PAX5: variants seen among roughly 807,000 people sequenced by gnomAD.
PAX5 encodes paired box protein Pax-5.
A neutral mutation model predicts 43.7 loss-of-function variants in PAX5; 9 were observed. That is an observed-to-expected ratio of 0.21 (90% CI 0.12 to 0.36). The LOEUF is 0.36. PAX5 is among the 10% of genes least tolerant of loss of function. The pLI is 1.00. For synonymous variants in PAX5, 228 were observed against 214.3 expected (o/e 1.06, Z -0.56); for missense variants, 383 against 532.7 (o/e 0.72, Z 2.77).
chr9:37,009,067 A>G (rs184025979), intron 3 of PAX5, among the ~76,000 whole-genome samples: 1 of 152,272 alleles, frequency 6.6e-6, no homozygotes, highest in Non-Finnish European at 1.5e-5. Context: ...AGTTCAGCTT[A>G]AAATCCTTAC....
At position 36,835,794 on chromosome 9, in the gene PAX5, C is replaced by T. The variant is rs558289197; in HGVS notation, c.*4766G>A. 9 of 233,312 alleles carry T rather than the reference C, an allele frequency of 3.9e-5. No individual in the cohort carries two copies. In the Admixed American group the frequency reaches 3.9e-4, roughly 10 times the overall value. The allele number at this position is 233,312 out of a possible 1,614,324, so 14.5% of individuals were successfully genotyped here. A position where few individuals can be genotyped will look rare whatever the true frequency, so the allele number is the denominator to read the frequency against. On this transcript the variant is annotated 3_prime_UTR_variant, in exon 10 of 10. Transcript: ENST00000358127. ...AAGGCCAAGACTGCAGAACTGGCCT[C>T]GTAGTGGGGCCACCGTGGAGCCGGT...
chr9:36,845,589 A>T (rs1190466681), intron 9 of PAX5, among the ~76,000 whole-genome samples: 1 of 152,168 alleles, frequency 6.6e-6, no homozygotes, highest in East Asian at 1.9e-4. Flanking sequence ...ACTAATGGGA[A>T]TTGTTTCTTA....
intron 5 of PAX5, among the ~76,000 whole-genome samples, chr9:36,970,233 G>T (rs1276661226): frequency 1.3e-5 from 2 of 152,178 alleles, no homozygotes; most frequent in Admixed American, 1.3e-4. Flanking sequence ...GGAGGAATCA[G>T]GGAAGTCTCC....
chr9:36,990,834 G>A (rs1189123695), intron 5 of PAX5, among the ~76,000 whole-genome samples: 2 of 152,240 alleles, frequency 1.3e-5, no homozygotes, highest in Non-Finnish European at 2.9e-5. Flanking sequence ...AGAAGGCCGG[G>A]CGCAGTGGCT....
At chr9:36,939,808 A>G (rs1372368431) in intron 6 of PAX5, among the ~76,000 whole-genome samples, 1 of 151,390 alleles carries the variant, frequency 6.6e-6, no homozygotes, top group Non-Finnish European at 1.5e-5. Context: ...AGAAAAAGCA[A>G]GAGAAAGAGA....
At chr9:37,017,762 CTG>C (rs1385862084) in intron 2 of PAX5, among the ~76,000 whole-genome samples, 1 of 152,262 alleles carries the variant, frequency 6.6e-6, no homozygotes, top group Non-Finnish European at 1.5e-5. Flanking sequence ...GCAGTGCCAA[CTG>C]TGGAAGACTG....
intron 5 of PAX5, among the ~76,000 whole-genome samples, chr9:36,971,193 C>T (rs1252737345): frequency 6.6e-6 from 1 of 152,182 alleles, no homozygotes; most frequent in Non-Finnish European, 1.5e-5. Flanking sequence ...GAAAAATAAT[C>T]GGACTAGTAA....
chr9:37,011,405 A>C (rs1838919608), intron 3 of PAX5, among the ~76,000 whole-genome samples: 1 of 152,172 alleles, frequency 6.6e-6, no homozygotes, highest in East Asian at 1.9e-4. Context: ...ACATGACCCA[A>C]CCAGTTGGTA....
intron 1 of PAX5, among the ~76,000 whole-genome samples, chr9:37,022,864 TG>T (rs1839972405): frequency 2.0e-5 from 3 of 152,290 alleles, no homozygotes; most frequent in Admixed American, 2.0e-4. Context: ...TGGGGTGACC[TG>T]GGAGCCTGTT....
At chr9:36,933,520 G>A (rs10973130) in intron 6 of PAX5, among the ~76,000 whole-genome samples, 3,103 of 152,282 alleles carry the variant, frequency 0.02, 93 homozygotes, top group African/African-American at 0.071. Context: ...TCAGAGAGGG[G>A]AGCCCTGCTG....
At chr9:37,002,595 GA>G in intron 5 of PAX5, 52 bp downstream of exon 5, 3 of 1,574,668 alleles carry the variant, frequency 1.9e-6, no homozygotes, top group Non-Finnish European at 2.6e-6. Context: ...CCGAGCGCCG[GA>G]AACAGACCCC....
At chr9:36,911,786 T>G (rs1829315787) in intron 7 of PAX5, among the ~76,000 whole-genome samples, 1 of 152,194 alleles carries the variant, frequency 6.6e-6, no homozygotes, top group Non-Finnish European at 1.5e-5. Context: ...GAGGGGATTG[T>G]GACAGAGGAG....
chr9:36,947,488 C>T (rs1425122410), intron 6 of PAX5, among the ~76,000 whole-genome samples: 2 of 152,110 alleles, frequency 1.3e-5, no homozygotes, highest in African/African-American at 4.8e-5. Context: ...CCTTGAACTC[C>T]TGGGCTCAAG....
At chr9:36,943,529 T>TTCACACACAA (rs35815065) in intron 6 of PAX5, among the ~76,000 whole-genome samples, 2 of 145,912 alleles carry the variant, frequency 1.4e-5, no homozygotes, top group Non-Finnish European at 3.0e-5. Context: ...TAGTTCAACA[T>TTCACACACAA]ACACACACAC....
chr9:37,017,126 T>A (rs1287446133), intron 2 of PAX5, among the ~76,000 whole-genome samples: 1 of 152,216 alleles, frequency 6.6e-6, no homozygotes, highest in Non-Finnish European at 1.5e-5. Flanking sequence ...CAGCAATCTC[T>A]GCAGTCTCCA....
intron 5 of PAX5, among the ~76,000 whole-genome samples, chr9:36,992,769 C>T (rs754325419): frequency 6.6e-6 from 1 of 152,206 alleles, no homozygotes. Context: ...TAATTGCTCA[C>T]CTTATCTATA....
At chr9:36,955,142 T>A (rs994149189) in intron 6 of PAX5, among the ~76,000 whole-genome samples, 9 of 152,218 alleles carry the variant, frequency 5.9e-5, no homozygotes, top group Non-Finnish European at 1.2e-4. Context: ...CTTTTTCATC[T>A]CTTTAATCAT....
intron 6 of PAX5, among the ~76,000 whole-genome samples, chr9:36,943,110 C>T (rs1832196411): frequency 6.6e-6 from 1 of 152,210 alleles, no homozygotes. Flanking sequence ...CCATCTCAGT[C>T]CCACCGTCCC....
chr9:36,896,375 T>C (rs1472280609), intron 7 of PAX5, among the ~76,000 whole-genome samples: 4 of 151,520 alleles, frequency 2.6e-5, no homozygotes, highest in Admixed American at 2.6e-4. Flanking sequence ...ACACCTCCAA[T>C]TATTTCCTCA....
Sources: gnomAD v4.1 joint callset for allele counts (sites outside exome capture counted in the v4.1 genomes callset) on GRCh38, gnomAD v4.1.1 for gene constraint, MANE v1.5 for transcripts, NCBI Gene and HGNC (gene_info 2026-07-23, HGNC 2026-07-21) for gene names.